The following RSRC2 variants were observed in gnomAD, a reference collection of about 807,000 sequenced individuals.
The protein encoded by RSRC2 is arginine/serine-rich coiled-coil protein 2.
A neutral mutation model predicts 61.3 loss-of-function variants in RSRC2; 5 were observed. The observed-to-expected ratio is 0.08, with a 90% CI of 0.04 to 0.17. The LOEUF (loss-of-function observed/expected upper bound fraction) is 0.17. Ranked by LOEUF, RSRC2 falls within the 10% of genes least tolerant of loss-of-function variation. The pLI is 1.00. For synonymous variants in RSRC2, 202 were observed against 166.5 expected (o/e 1.21, Z -1.64); for missense variants, 381 against 518.8 (o/e 0.73, Z 2.58).
intron 5 of RSRC2, among the ~76,000 whole-genome samples, chr12:122,516,225 C>A (rs1278017679): frequency 1.3e-5 from 2 of 152,080 alleles, no homozygotes; most frequent in Admixed American, 6.6e-5. Context: ...AATCAATTTA[C>A]AAAAGTCAGT....
At chr12:122,522,064 T>C (rs1959277248) in intron 2 of RSRC2, 79 bp downstream of exon 2, 7 of 1,398,290 alleles carry the variant, frequency 5.0e-6, no homozygotes, top group African/African-American at 2.9e-5. Flanking sequence ...ACAAACTAAA[T>C]GTATGTGTCT....
At position 122,506,790 on chromosome 12, in the gene RSRC2, G is replaced by A. The variant is rs570412580; in HGVS notation, c.1125+44C>T. ...AATGAGGGAAGAACAGTGCAGGAGGGCTAATAGCTAATACAAAGATCCCCT... is the reference window on the plus strand; with the variant it reads ...AATGAGGGAAGAACAGTGCAGGAGGACTAATAGCTAATACAAAGATCCCCT... On this transcript the variant is annotated intron_variant, in intron 9 of 9. Transcript: ENST00000331738. The A allele has an allele frequency of 9.6e-5, 107 of 1,118,824 alleles. No homozygotes were observed. In the South Asian group the frequency reaches 1.3e-3, roughly 14 times the overall value. 69.3% of individuals were successfully genotyped at this position (1,118,824 alleles called of 1,614,324 possible). A position where few individuals can be genotyped will look rare whatever the true frequency, so the allele number is the denominator to read the frequency against.
chr12:122,513,702 T>C (rs769536995), intron 6 of RSRC2: 11 of 654,160 alleles, frequency 1.7e-5, no homozygotes, highest in Non-Finnish European at 2.1e-5. Context: ...TGCATTAAAA[T>C]GGCCATTGAA....
intron 3 of RSRC2, chr12:122,520,759 C>T (rs1339707252): frequency 1.9e-5 from 7 of 360,988 alleles, no homozygotes; most frequent in Non-Finnish European, 3.8e-5. Flanking sequence ...TTCTCCCTTT[C>T]TGGCTACTAC....
chr12:122,512,893 A>T (rs1425547635), intron 6 of RSRC2, among the ~76,000 whole-genome samples: 1 of 152,170 alleles, frequency 6.6e-6, no homozygotes, highest in Admixed American at 6.5e-5. Flanking sequence ...TAGCAGTAAC[A>T]ATAAAATGTA....
chr12:122,508,476 T>C (rs1277729122), intron 7 of RSRC2, 29 bp from the exon 8 acceptor site: 1 of 1,527,336 alleles, frequency 6.5e-7, no homozygotes, highest in African/African-American at 1.4e-5. Context: ...AAAATGGATT[T>C]TAAAACGATT....
In RSRC2 at chr12:122,526,820, T is replaced by C. The variant is rs199971954; in HGVS notation, c.6+28A>G. On this transcript the variant is annotated intron_variant, in intron 1 of 9. Coordinates refer to ENST00000331738, the MANE Select transcript of RSRC2 (RefSeq NM_023012.6). ...TTGGAACGTAGCAGAAAAATATCCC[T>C]GGCTTTAAACTCAGATTCGGTACCT... is the stretch of plus-strand genomic sequence containing the variant. 315 of 1,613,936 alleles carry C rather than the reference T, an allele frequency of 2.0e-4. 1 individual carries two copies. In the African/African-American group the frequency reaches 3.7e-3, roughly 19 times the overall value.
chr12:122,525,597 A>G (rs1015024436), intron 1 of RSRC2, among the ~76,000 whole-genome samples: 4 of 152,202 alleles, frequency 2.6e-5, no homozygotes, highest in Admixed American at 1.3e-4. Flanking sequence ...TATGTTTAAG[A>G]GTCATAATTA....
chr12:122,514,974 A>G (rs1222867978), intron 6 of RSRC2, 131 bp downstream of exon 6: 3 of 1,009,738 alleles, frequency 3.0e-6, no homozygotes, highest in African/African-American at 1.6e-5. Context: ...ACATAGTTCT[A>G]GATCACAAAT....
rs904550018 is a variant in RSRC2 at position 122,504,172 on chromosome 12, T to G, written c.*1355A>C. 5 of 152,202 alleles carry G rather than the reference T, an allele frequency of 3.3e-5. No homozygotes were observed. The allele number at this position is 152,202 out of a possible 1,614,324, so 9.4% of individuals were successfully genotyped here. A position where few individuals can be genotyped will look rare whatever the true frequency, so the allele number is the denominator to read the frequency against. The stretch of plus-strand genomic sequence containing the variant: ...AAGGCTGTCAATCTTATTCCTGTAG[T>G]CTTCCCTGATTGTAATGTGCTCTCA... On this transcript the variant is annotated 3_prime_UTR_variant, in exon 10 of 10. Transcript: ENST00000331738.
intron 6 of RSRC2, 98 bp downstream of exon 6, chr12:122,515,007 T>G (rs561126339): frequency 7.7e-6 from 10 of 1,295,580 alleles, no homozygotes; most frequent in Non-Finnish European, 9.8e-6. Context: ...TACTAAAGTA[T>G]GTGAATCATT....
chr12:122,526,487 C>G (rs1178590738), intron 1 of RSRC2, among the ~76,000 whole-genome samples: 1 of 152,030 alleles, frequency 6.6e-6, no homozygotes, highest in Non-Finnish European at 1.5e-5. Context: ...TCTTTCTCTT[C>G]CCCAGCCCCT....
At position 122,522,126 on chromosome 12, in the gene RSRC2, C is replaced by T. The variant is rs757845980; in HGVS notation, c.163+17G>A. 4.4e-6 allele frequency: 7 copies of T among 1,604,464 alleles called. No homozygotes were observed. The highest frequency in any genetic ancestry group is 1.7e-5 in the Admixed American group (1 of 58,170). ...ATACAAATGCTGAGAGTTGTAACCA[C>T]CTTTAAGAATTCATACCTGACTTTC... is the stretch of plus-strand genomic sequence containing the variant. On this transcript the variant is annotated intron_variant, in intron 2 of 9. Transcript: ENST00000331738.
intron 6 of RSRC2, 55 bp from the exon 7 acceptor site, chr12:122,511,243 T>C: frequency 1.6e-6 from 2 of 1,289,074 alleles, no homozygotes; most frequent in Admixed American, 4.0e-5. Flanking sequence ...CCATTATGTA[T>C]ATATCTCTCT....
chr12:122,517,299 C>T lies in RSRC2; in HGVS notation c.530G>A (p.Arg177Lys). Residue 177 changes from arginine (R) to lysine (K), a missense_variant, in exon 5 of 10, where the codon AGG becomes AAG. Arg to Lys is a conservative substitution (Grantham distance 26, BLOSUM62 2). Coordinates refer to ENST00000331738, the MANE Select transcript of RSRC2 (RefSeq NM_023012.6). ...TCTTGATCTTGAGCGGGAACGAGAC[C>T]TGATCCGCCGTTTTCTTTCCCTGCT... ...SRSRERKRRI[R>K]SRSRSRSRHR... 1.2e-6 allele frequency: 2 copies of T among 1,614,114 alleles called. No homozygotes were observed. The highest frequency in any genetic ancestry group is 2.2e-5 in the East Asian group (1 of 44,884).
At chr12:122,515,348 A>G (rs773250933) in intron 5 of RSRC2, 121 bp from the exon 6 acceptor site, 9 of 924,252 alleles carry the variant, frequency 9.7e-6, no homozygotes, top group East Asian at 2.6e-5. Context: ...TTGAGATGCA[A>G]AAGATTTAAA....
intron 2 of RSRC2, among the ~76,000 whole-genome samples, 173 bp downstream of exon 2, chr12:122,521,970 A>AT (rs1372967042): frequency 6.6e-6 from 1 of 152,178 alleles, no homozygotes; most frequent in Non-Finnish European, 1.5e-5. Flanking sequence ...CAATTTTTGT[A>AT]TTTTTGGTCC....
chr12:122,509,374 C>T (rs774020507), intron 7 of RSRC2, among the ~76,000 whole-genome samples: 3 of 151,198 alleles, frequency 2.0e-5, no homozygotes, highest in Non-Finnish European at 4.4e-5. Flanking sequence ...CACTTGAACC[C>T]GAGAGGTGGA....
intron 5 of RSRC2, among the ~76,000 whole-genome samples, chr12:122,515,877 T>A (rs1958873021): frequency 6.6e-6 from 1 of 152,084 alleles, no homozygotes; most frequent in African/African-American, 2.4e-5. Flanking sequence ...TAATCCCAGC[T>A]ACTCGGGAGG....
Sources: allele counts gnomAD v4.1 joint callset (sites outside exome capture counted in the v4.1 genomes callset), GRCh38; gene constraint gnomAD v4.1.1; transcripts MANE v1.5; gene names NCBI Gene and HGNC (gene_info 2026-07-23, HGNC 2026-07-21).